The following ALK variants were observed in gnomAD, a reference collection of about 807,000 sequenced individuals.
The protein encoded by ALK is ALK tyrosine kinase receptor.
In ALK, 74 loss-of-function variants were observed where a neutral mutation model predicts 163.1. The ratio of observed to expected loss-of-function variants is 0.45; its 90% confidence interval spans 0.38 to 0.55. The LOEUF (loss-of-function observed/expected upper bound fraction) is 0.55, where lower values mean the gene tolerates loss of function less well. Ranked by LOEUF, ALK falls within the 20% of genes least tolerant of loss-of-function variation. The pLI is 0.00. For missense variants in ALK, 2,063 were observed against 2,105.3 expected (o/e 0.98, Z 0.39); for synonymous variants, 960 against 843.2 (o/e 1.14, Z -2.40).
At chr2:29,257,332 AG>A (rs1441708304) in intron 11 of ALK, among the ~76,000 whole-genome samples, 1 of 152,260 alleles carries the variant, frequency 6.6e-6, no homozygotes, top group African/African-American at 2.4e-5. Context: ...AACTGTATAA[AG>A]AACCCACAAA....
intron 1 of ALK, among the ~76,000 whole-genome samples, chr2:29,836,364 G>A (rs139992052): frequency 9.2e-5 from 14 of 152,202 alleles, no homozygotes; most frequent in African/African-American, 3.1e-4. Context: ...AAAGTAGAGA[G>A]GGGCTCTCTG....
At chr2:29,584,510 G>T in intron 3 of ALK, among the ~76,000 whole-genome samples, 1 of 152,178 alleles carries the variant, frequency 6.6e-6, no homozygotes, top group East Asian at 1.9e-4. Flanking sequence ...TGTGACCATG[G>T]AAACACTTGC....
At chr2:29,728,247 A>T (rs1183384988) in intron 1 of ALK, among the ~76,000 whole-genome samples, 1 of 152,230 alleles carries the variant, frequency 6.6e-6, no homozygotes, top group Non-Finnish European at 1.5e-5. Context: ...AGTGGGGATT[A>T]TTATTACCAT....
intron 4 of ALK, among the ~76,000 whole-genome samples, chr2:29,411,101 C>T (rs1003365900): frequency 6.6e-6 from 1 of 152,038 alleles, no homozygotes; most frequent in African/African-American, 2.4e-5. Flanking sequence ...TTTTGTATTA[C>T]TTTTTAAACT....
At chr2:29,850,615 C>G (rs1173134138) in intron 1 of ALK, among the ~76,000 whole-genome samples, 2 of 152,256 alleles carry the variant, frequency 1.3e-5, no homozygotes, top group East Asian at 3.9e-4. Flanking sequence ...TGGCCACAAC[C>G]TCAAGGATAG....
intron 13 of ALK, among the ~76,000 whole-genome samples, chr2:29,236,303 C>T (rs902701754): frequency 9.9e-5 from 15 of 152,158 alleles, no homozygotes; most frequent in Non-Finnish European, 2.1e-4. Context: ...CTCCATCTCC[C>T]CTCTTGGCTT....
At chr2:29,818,264 A>T (rs1461535730) in intron 1 of ALK, among the ~76,000 whole-genome samples, 1 of 152,168 alleles carries the variant, frequency 6.6e-6, no homozygotes, top group Non-Finnish European at 1.5e-5. Context: ...AAATGACTGC[A>T]AGTGTGTGTG....
intron 8 of ALK, among the ~76,000 whole-genome samples, chr2:29,314,793 C>G (rs1015184456): frequency 6.6e-6 from 1 of 152,092 alleles, no homozygotes; most frequent in Non-Finnish European, 1.5e-5. Context: ...TCAAACCACA[C>G]GGGGCTTGTT....
intron 3 of ALK, among the ~76,000 whole-genome samples, chr2:29,610,354 C>T (rs1248652837): frequency 5.9e-5 from 9 of 152,072 alleles, no homozygotes; most frequent in Non-Finnish European, 1.2e-4. Context: ...GTATTGCATA[C>T]TCCAGAGAAA....
chr2:29,736,740 G>T (rs1679902329), intron 1 of ALK, among the ~76,000 whole-genome samples: 1 of 151,872 alleles, frequency 6.6e-6, no homozygotes, highest in Non-Finnish European at 1.5e-5. Context: ...AAAAATCAAT[G>T]ACAAGACATA....
At chr2:29,259,488 A>G (rs1254478818) in intron 11 of ALK, among the ~76,000 whole-genome samples, 3 of 152,124 alleles carry the variant, frequency 2.0e-5, no homozygotes, top group Non-Finnish European at 4.4e-5. Context: ...AATTCCTTAG[A>G]GAGGGGTCAC....
intron 4 of ALK, among the ~76,000 whole-genome samples, chr2:29,514,772 T>C (rs919349704): frequency 1.3e-5 from 2 of 152,214 alleles, no homozygotes; most frequent in Admixed American, 1.3e-4. Flanking sequence ...TCACTAATCC[T>C]GCCCATTGTC....
At chr2:29,268,055 C>T (rs1490042309) in intron 11 of ALK, among the ~76,000 whole-genome samples, 3 of 152,196 alleles carry the variant, frequency 2.0e-5, no homozygotes, top group Non-Finnish European at 2.9e-5. Flanking sequence ...TCAGGCCAGC[C>T]AGGAGAGAGA....
At chr2:29,544,281 T>C (rs10176482) in intron 3 of ALK, among the ~76,000 whole-genome samples, 46,389 of 151,922 alleles carry the variant, frequency 0.31, 7,904 homozygotes, top group East Asian at 0.66. Flanking sequence ...GCCCCATGGA[T>C]GTCAACAGGT....
At chr2:29,238,696 C>T (rs115963069) in intron 13 of ALK, among the ~76,000 whole-genome samples, 101 of 152,308 alleles carry the variant, frequency 6.6e-4, no homozygotes, top group Non-Finnish European at 1.1e-3. Flanking sequence ...CCTGCTATGC[C>T]TTGCCCAACC....
intron 3 of ALK, among the ~76,000 whole-genome samples, chr2:29,653,428 C>T (rs970511081): frequency 4.6e-5 from 7 of 152,120 alleles, no homozygotes; most frequent in African/African-American, 1.7e-4. Flanking sequence ...GAATTAGACT[C>T]GAGAAGCTCC....
chr2:29,200,740 CGT>C (rs777470217), intron 26 of ALK, among the ~76,000 whole-genome samples: 2 of 131,338 alleles, frequency 1.5e-5, no homozygotes, highest in South Asian at 2.3e-4. Flanking sequence ...TATATATATA[CGT>C]ATATATATAC....
intron 15 of ALK, among the ~76,000 whole-genome samples, chr2:29,230,869 C>T (rs982284894): frequency 2.6e-5 from 4 of 152,080 alleles, no homozygotes; most frequent in South Asian, 2.1e-4. Context: ...TGTGAGTAAG[C>T]GCGTAATAAA....
chr2:29,666,983 C>G (rs1460784369), intron 3 of ALK, among the ~76,000 whole-genome samples: 1 of 152,024 alleles, frequency 6.6e-6, no homozygotes, highest in Non-Finnish European at 1.5e-5. Flanking sequence ...ACATAACTGT[C>G]TTCAGTTCCA....
Sources: gnomAD v4.1 joint callset for allele counts (sites outside exome capture counted in the v4.1 genomes callset) on GRCh38, gnomAD v4.1.1 for gene constraint, MANE v1.5 for transcripts, NCBI Gene and HGNC (gene_info 2026-07-23, HGNC 2026-07-21) for gene names.